ZNF804B: variants seen among roughly 807,000 people sequenced by gnomAD.
ZNF804B encodes zinc finger 804B.
ZNF804B carries 80 observed loss-of-function variants against 101.4 expected under a neutral mutation model. The observed-to-expected ratio is 0.79, with a 90% CI of 0.66 to 0.95. ZNF804B has a LOEUF of 0.95. Ranked by LOEUF, ZNF804B falls within the 40% of genes least tolerant of loss-of-function variation. The probability of loss-of-function intolerance (pLI) is 0.00; values close to 1 mark genes in which losing one functional copy is unlikely to be tolerated. For missense variants in ZNF804B, 1,673 were observed against 1,561.9 expected (o/e 1.07, Z -1.20); for synonymous variants, 622 against 558.8 (o/e 1.11, Z -1.59).
In ZNF804B at chr7:89,266,600, A is replaced by C. The variant is rs148200810; in HGVS notation, c.249+48305A>C. ...ATTCCAAAGTTCCTCTTGCATGAAT[A>C]GCCTTCTCACATATGTTATCCTAAC... On this transcript the variant is annotated intron_variant, in intron 2 of 3. Coordinates refer to ENST00000333190, the MANE Select transcript of ZNF804B (RefSeq NM_181646.5). 4.1e-3 allele frequency among the ~76,000 whole-genome samples: 631 copies of C among 152,288 alleles called. 5 individuals carry two copies. Among genetic ancestry groups the C allele is most frequent in the African/African-American group, 0.015 (603 of 41,560 alleles).
intron 1 of ZNF804B, among the ~76,000 whole-genome samples, chr7:88,825,395 C>A (rs1410154970): frequency 6.6e-6 from 1 of 151,892 alleles, no homozygotes; most frequent in East Asian, 1.9e-4. Context: ...TCACTAGTCT[C>A]TGAGCATCTA....
chr7:89,283,814 T>C (rs966909907), intron 2 of ZNF804B, among the ~76,000 whole-genome samples: 1 of 152,158 alleles, frequency 6.6e-6, no homozygotes, highest in Non-Finnish European at 1.5e-5. Flanking sequence ...TAGCATTGCA[T>C]GGGGCCACTT....
chr7:89,308,882 T>G (rs1300259817), intron 2 of ZNF804B, among the ~76,000 whole-genome samples: 1 of 152,196 alleles, frequency 6.6e-6, no homozygotes, highest in Non-Finnish European at 1.5e-5. Context: ...GAAGGCCAGA[T>G]TTGGCCCATG....
chr7:89,313,321 T>C (rs1033998896), intron 2 of ZNF804B, among the ~76,000 whole-genome samples: 3 of 152,214 alleles, frequency 2.0e-5, no homozygotes, highest in African/African-American at 7.2e-5. Context: ...CATTAACACA[T>C]GGAAATTATC....
chr7:89,040,535 G>A (rs907257342), intron 1 of ZNF804B, among the ~76,000 whole-genome samples: 7 of 151,984 alleles, frequency 4.6e-5, no homozygotes, highest in South Asian at 2.1e-4. Flanking sequence ...TTGGTTAGTC[G>A]TATGTCTATG....
intron 1 of ZNF804B, among the ~76,000 whole-genome samples, chr7:88,776,172 A>G (rs984895070): frequency 6.6e-6 from 1 of 152,226 alleles, no homozygotes; most frequent in African/African-American, 2.4e-5. Context: ...AGGGTCTTGC[A>G]CAATAGTAAG....
chr7:89,309,265 G>T (rs188981444), intron 2 of ZNF804B, among the ~76,000 whole-genome samples: 2 of 152,062 alleles, frequency 1.3e-5, no homozygotes, highest in African/African-American at 2.4e-5. Flanking sequence ...CTGTTTCTGC[G>T]TTAATTCACT....
At chr7:88,919,179 T>C (rs964206) in intron 1 of ZNF804B, among the ~76,000 whole-genome samples, 74,459 of 151,886 alleles carry the variant, frequency 0.49, 20,878 homozygotes, top group African/African-American at 0.77. Context: ...ACTTGGGGTG[T>C]CTTGGATAGA....
chr7:89,010,793 T>G (rs1788444802), intron 1 of ZNF804B, among the ~76,000 whole-genome samples: 1 of 152,230 alleles, frequency 6.6e-6, no homozygotes, highest in Admixed American at 6.6e-5. Flanking sequence ...AATCTAAGGC[T>G]GTGGAAAAGT....
chr7:88,828,859 A>G (rs1791087164), intron 1 of ZNF804B, among the ~76,000 whole-genome samples: 1 of 152,070 alleles, frequency 6.6e-6, no homozygotes, highest in South Asian at 2.1e-4. Flanking sequence ...GATGCCATCA[A>G]AGGTAGAATT....
chr7:89,224,709 A>AGT (rs1311068885), intron 2 of ZNF804B, among the ~76,000 whole-genome samples: 41 of 84,652 alleles, frequency 4.8e-4, no homozygotes, highest in Middle Eastern at 6.0e-3. Context: ...TTTCTGGCAA[A>AGT]GTATGTGTGT....
At chr7:88,891,673 C>A (rs1242238278) in intron 1 of ZNF804B, among the ~76,000 whole-genome samples, 1 of 149,012 alleles carries the variant, frequency 6.7e-6, no homozygotes, top group Non-Finnish European at 1.5e-5. Context: ...GGCTTTAATT[C>A]CCCTTTTTAT....
chr7:88,962,725 A>ATG (rs1793404244), intron 1 of ZNF804B, among the ~76,000 whole-genome samples: 1 of 110,766 alleles, frequency 9.0e-6, no homozygotes, highest in Non-Finnish European at 1.8e-5. Flanking sequence ...ATATATATAT[A>ATG]TATATATATA....
Position 88,759,993 on chromosome 7 carries a change from T to C in ZNF804B, c.17T>C (p.Val6Ala). 1 of 1,614,146 alleles carries C rather than the reference T, an allele frequency of 6.2e-7. No individual in the cohort carries two copies. Among genetic ancestry groups the C allele is most frequent in the Non-Finnish European group, 8.5e-7 (1 of 1,180,012 alleles). The stretch of plus-strand genomic sequence containing the variant: ...CGGACCCACATGGCTTGTTACCTGG[T>C]CATCAGTTCGAGACATCTCAGCAAT... MACYL[V>A]ISSRHLSNGH... is the part of the protein sequence containing the mutation. Residue 6 changes from valine (V) to alanine (A), a missense_variant, in exon 1 of 4, where the codon GTC becomes GCC. Val to Ala is a moderately conservative substitution (Grantham distance 64). Coordinates refer to ENST00000333190, the MANE Select transcript of ZNF804B (RefSeq NM_181646.5).
intron 1 of ZNF804B, among the ~76,000 whole-genome samples, chr7:89,119,834 T>A (rs952048913): frequency 6.6e-6 from 1 of 152,192 alleles, no homozygotes; most frequent in African/African-American, 2.4e-5. Flanking sequence ...AAATACATAA[T>A]TAAAAAAATA....
intron 1 of ZNF804B, among the ~76,000 whole-genome samples, chr7:89,136,329 G>GA (rs1489198268): frequency 1.3e-5 from 2 of 151,772 alleles, no homozygotes; most frequent in Admixed American, 6.6e-5. Flanking sequence ...GTATTTTTTT[G>GA]GGGGGGTCTC....
chr7:89,109,888 T>A (rs1790189983), intron 1 of ZNF804B, among the ~76,000 whole-genome samples: 5 of 152,194 alleles, frequency 3.3e-5, no homozygotes, highest in Admixed American at 2.0e-4. Flanking sequence ...CCTGATACAC[T>A]TTTAACTTAT....
chr7:88,964,679 G>A (rs1793431166), intron 1 of ZNF804B, among the ~76,000 whole-genome samples: 1 of 151,420 alleles, frequency 6.6e-6, no homozygotes, highest in Non-Finnish European at 1.5e-5. Flanking sequence ...TGGTGAAGTT[G>A]ATGTTGCATA....
chr7:88,871,409 G>A (rs1275444332), intron 1 of ZNF804B, among the ~76,000 whole-genome samples: 2 of 151,386 alleles, frequency 1.3e-5, no homozygotes, highest in Non-Finnish European at 1.5e-5. Flanking sequence ...TAAAAAAAAA[G>A]GCACTACAAA....
Sources: gnomAD v4.1 joint callset for allele counts (sites outside exome capture counted in the v4.1 genomes callset) on GRCh38, gnomAD v4.1.1 for gene constraint, MANE v1.5 for transcripts, NCBI Gene and HGNC (gene_info 2026-07-23, HGNC 2026-07-21) for gene names.